STYXL1: variants seen among roughly 807,000 people sequenced by gnomAD.
The protein encoded by STYXL1 is serine/threonine/tyrosine-interacting-like protein 1.
In STYXL1, 32 loss-of-function variants were observed where a neutral mutation model predicts 36.4. The ratio of observed to expected loss-of-function variants is 0.88; its 90% CI spans 0.66 to 1.18. The LOEUF is 1.18. Among genes scored for constraint, STYXL1 ranks in the 50% most tolerant of loss-of-function variants. The pLI is 0.00. For synonymous variants in STYXL1, 133 were observed against 144.1 expected (o/e 0.92, Z 0.55); for missense variants, 354 against 394.1 (o/e 0.90, Z 0.86).
intron 8 of STYXL1, chr7:76,000,492 C>A (rs1554566606): frequency 2.2e-6 from 1 of 459,232 alleles, no homozygotes; most frequent in Non-Finnish European, 4.4e-6. Flanking sequence ...TGCGATGGGT[C>A]CCTGCTTCCC....
chr7:76,013,472 TGGAGTACA>T (rs1792856908), intron 5 of STYXL1, among the ~76,000 whole-genome samples: 1 of 151,868 alleles, frequency 6.6e-6, no homozygotes, highest in Non-Finnish European at 1.5e-5. Context: ...TCATCCAGGC[TGGAGTACA>T]GTGGCATGAT....
At position 76,026,192 on chromosome 7, in the gene STYXL1, C is replaced by CAAAAAAAAAAAAAAAAAAAA. The variant is rs1159067824; in HGVS notation, c.165+2430_165+2449dup. Among the ~76,000 whole-genome samples the CAAAAAAAAAAAAAAAAAAAA allele has an allele frequency of 2.1e-4, 4 of 18,624 alleles. 1 individual carries two copies. Among genetic ancestry groups the CAAAAAAAAAAAAAAAAAAAA allele is most frequent in the Non-Finnish European group, 3.5e-4 (4 of 11,488 alleles). The allele number at this position is 18,624 out of a possible 152,430, so 12.2% of individuals were successfully genotyped here. On this transcript the variant is annotated intron_variant, in intron 3 of 8. Transcript: ENST00000359697. Reference sequence around the variant, plus strand: ...GGAGGACAGAGCAAGACTCTGTCTCCAAAAAAAAAAAAAAAAAAAAAAAAA... The same window carrying CAAAAAAAAAAAAAAAAAAAA: ...GGAGGACAGAGCAAGACTCTGTCTCCAAAAAAAAAAAAAAAAAAAAAAAAAAAAAAAAAAAAAAAAAAAAA...
At chr7:76,019,960 G>A (rs999632823) in intron 4 of STYXL1, among the ~76,000 whole-genome samples, 10 of 151,438 alleles carry the variant, frequency 6.6e-5, no homozygotes, top group Non-Finnish European at 1.5e-4. Flanking sequence ...AGAAGGGGGT[G>A]TTGAGAGAAG....
rs1489433381 is a variant in STYXL1, at chr7:76,040,841, G to T, written c.-5+6821C>A. 2.8e-5 allele frequency among the ~76,000 whole-genome samples: 4 copies of T among 144,312 alleles called. No homozygotes were observed. The East Asian group carries it at 8.1e-4, about 29-fold the overall frequency. 94.7% of individuals were successfully genotyped at this position (144,312 alleles called of 152,430 possible). ...ACACAGCTAAAAAAAAAAGAAAAAAGAAAAAAGAAAAGAAAATGAAAAGAA... is the reference window on the plus strand; with the variant it reads ...ACACAGCTAAAAAAAAAAGAAAAAATAAAAAAGAAAAGAAAATGAAAAGAA... On this transcript the variant is annotated intron_variant, in intron 1 of 8. Coordinates refer to ENST00000359697, the MANE Select transcript of STYXL1 (RefSeq NM_001317785.2).
chr7:76,021,808 T>A, intron 4 of STYXL1, 43 bp downstream of exon 4: 1 of 1,473,302 alleles, frequency 6.8e-7, no homozygotes, highest in African/African-American at 1.4e-5. Flanking sequence ...ATTTGTTCAA[T>A]AGCCGTTAAC....
At position 76,000,880 on chromosome 7, in the gene STYXL1, G is replaced by A. The variant is rs1212456843; in HGVS notation, c.810+10C>T. The A allele has an allele frequency of 6.2e-6, 10 of 1,611,998 alleles. No individual in the cohort carries two copies. Among genetic ancestry groups the A allele is most frequent in the Non-Finnish European group, 8.5e-6 (10 of 1,178,200 alleles). ...GGCCGTGGTGCGAGCCTGGCCCGGG[G>A]AACGCATACCTGCAAGGTCTGCTCG... On this transcript the variant is annotated intron_variant, in intron 8 of 8. Coordinates refer to ENST00000359697, the MANE Select transcript of STYXL1 (RefSeq NM_001317785.2).
chr7:76,035,616 C>T (rs782242897), intron 1 of STYXL1, among the ~76,000 whole-genome samples: 1 of 149,750 alleles, frequency 6.7e-6, no homozygotes, highest in African/African-American at 2.4e-5. Context: ...AAGTCAGGTT[C>T]CACATCCTCT....
chr7:76,023,590 G>T (rs920167666), intron 3 of STYXL1, among the ~76,000 whole-genome samples: 1 of 151,832 alleles, frequency 6.6e-6, no homozygotes, highest in African/African-American at 2.4e-5. Context: ...AGCCGGGTGT[G>T]GGAGGGTGCA....
chr7:76,034,895 C>T (rs1386472657), intron 1 of STYXL1, among the ~76,000 whole-genome samples: 1 of 152,220 alleles, frequency 6.6e-6, no homozygotes, highest in Non-Finnish European at 1.5e-5. Context: ...ACACACATAC[C>T]AATGATTCCC....
chr7:76,037,591 C>T lies in STYXL1; in HGVS notation c.-4-7064G>A, dbSNP rs151177473. Among the ~76,000 whole-genome samples the T allele has an allele frequency of 1.5e-4, 23 of 150,214 alleles. No homozygotes were observed. The East Asian group carries it at 4.4e-3, about 29-fold the overall frequency. On this transcript the variant is annotated intron_variant, in intron 1 of 8. Coordinates refer to ENST00000359697, the MANE Select transcript of STYXL1 (RefSeq NM_001317785.2). Reference sequence around the variant, plus strand: ...GTCTGCTCAACACCCAGGGGACTTCCATCCTGACTGACGGTGGAGGTGTCA... The same window carrying T: ...GTCTGCTCAACACCCAGGGGACTTCTATCCTGACTGACGGTGGAGGTGTCA...
At chr7:76,026,905 G>A (rs1794778806) in intron 3 of STYXL1, among the ~76,000 whole-genome samples, 1 of 151,976 alleles carries the variant, frequency 6.6e-6, no homozygotes, top group African/African-American at 2.4e-5. Flanking sequence ...AAAAAGATAA[G>A]AAAAAATTAG....
At chr7:76,043,931 G>A (rs960789598) in intron 1 of STYXL1, 2 of 152,190 alleles carry the variant, frequency 1.3e-5, no homozygotes, top group Non-Finnish European at 1.5e-5. Context: ...CTAGTAACCA[G>A]ACACAATCCA....
At chr7:76,019,469 T>A (rs1314421453) in intron 4 of STYXL1, among the ~76,000 whole-genome samples, 3 of 151,564 alleles carry the variant, frequency 2.0e-5, no homozygotes, top group Admixed American at 2.0e-4. Flanking sequence ...GCTAAATTTT[T>A]TTTTTTGTAT....
rs527289984 is a variant in STYXL1, at chr7:76,030,296, G to A, written c.103+125C>T. 1.7e-4 allele frequency: 119 copies of A among 702,204 alleles called. 1 individual carries two copies. In the South Asian group the frequency reaches 2.0e-3, roughly 12 times the overall value. The allele number at this position is 702,204 out of a possible 1,614,324, so 43.5% of individuals were successfully genotyped here. ...TTACAGGCGTGTGCCACCACACCCA[G>A]CCCAGGGATCCCTGTTCTAAAGTCA... On this transcript the variant is annotated intron_variant, in intron 2 of 8. Transcript: ENST00000359697.
At chr7:76,041,889 A>C (rs1424442380) in intron 1 of STYXL1, among the ~76,000 whole-genome samples, 1 of 152,250 alleles carries the variant, frequency 6.6e-6, no homozygotes, top group Non-Finnish European at 1.5e-5. Context: ...ACTTTCTGGA[A>C]TAATGGCAAT....
intron 2 of STYXL1, among the ~76,000 whole-genome samples, chr7:76,029,824 C>A (rs1554578714): frequency 1.3e-5 from 2 of 152,044 alleles, no homozygotes; most frequent in African/African-American, 4.8e-5. Flanking sequence ...AATGCTGCTG[C>A]TGATCTGACA....
At chr7:76,004,094 CTTTT>C (rs201317979) in intron 6 of STYXL1, among the ~76,000 whole-genome samples, 1 of 151,370 alleles carries the variant, frequency 6.6e-6, no homozygotes, top group Non-Finnish European at 1.5e-5. Flanking sequence ...AGACCCTTGT[CTTTT>C]TTTTTGTTTG....
intron 8 of STYXL1, among the ~76,000 whole-genome samples, chr7:75,997,561 C>T (rs782211289): frequency 3.9e-5 from 6 of 152,178 alleles, no homozygotes; most frequent in Non-Finnish European, 8.8e-5. Context: ...GGCAAGGGTG[C>T]TTGCTTTCAT....
intron 1 of STYXL1, among the ~76,000 whole-genome samples, chr7:76,036,782 CT>C (rs71082378): frequency 6.3e-4 from 64 of 101,602 alleles, no homozygotes; most frequent in African/African-American, 1.4e-3. Flanking sequence ...CAGTATAGCT[CT>C]TTTTTTTTTT....
Sources: allele counts gnomAD v4.1 joint callset (sites outside exome capture counted in the v4.1 genomes callset), GRCh38; gene constraint gnomAD v4.1.1; transcripts MANE v1.5; gene names NCBI Gene and HGNC (gene_info 2026-07-23, HGNC 2026-07-21).